PTPRM: variants seen among roughly 807,000 people sequenced by gnomAD.
PTPRM encodes the protein receptor-type tyrosine-protein phosphatase mu.
In PTPRM, 47 loss-of-function variants were observed where a neutral mutation model predicts 186.7. That is an observed-to-expected ratio of 0.25 (90% CI 0.20 to 0.32). The LOEUF (loss-of-function observed/expected upper bound fraction) is 0.32, where lower values mean the gene tolerates loss of function less well. PTPRM is among the 10% of genes least tolerant of loss of function. The pLI is 1.00. For synonymous variants in PTPRM, 668 were observed against 674.9 expected (o/e 0.99, Z 0.16); for missense variants, 1,494 against 1,865.0 (o/e 0.80, Z 3.66).
chr18:8,075,720 A>G (rs1484988122), intron 8 of PTPRM, among the ~76,000 whole-genome samples: 1 of 152,152 alleles, frequency 6.6e-6, no homozygotes, highest in Non-Finnish European at 1.5e-5. Flanking sequence ...GTATTAACAA[A>G]TAAAATAATG....
At chr18:7,649,895 AT>A (rs200918947) in intron 1 of PTPRM, among the ~76,000 whole-genome samples, 15 of 152,000 alleles carry the variant, frequency 9.9e-5, no homozygotes, top group East Asian at 3.9e-4. Flanking sequence ...AACGATTAGC[AT>A]TTTTTTTAGC....
chr18:8,081,342 G>A (rs1162190677), intron 9 of PTPRM, among the ~76,000 whole-genome samples: 1 of 152,136 alleles, frequency 6.6e-6, no homozygotes, highest in South Asian at 2.1e-4. Context: ...GTTTGCTTTT[G>A]ACATGGCACC....
intron 11 of PTPRM, among the ~76,000 whole-genome samples, chr18:8,102,095 T>TA (rs1487855943): frequency 6.6e-6 from 1 of 152,184 alleles, no homozygotes; most frequent in Non-Finnish European, 1.5e-5. Context: ...CATTATGTCT[T>TA]AAAAAATGTA....
At chr18:7,851,735 T>C (rs1210014672) in intron 2 of PTPRM, among the ~76,000 whole-genome samples, 2 of 151,974 alleles carry the variant, frequency 1.3e-5, no homozygotes, top group African/African-American at 2.4e-5. Flanking sequence ...TGATCCTAGG[T>C]AAAGCATGAT....
intron 10 of PTPRM, among the ~76,000 whole-genome samples, chr18:8,088,396 T>C (rs2090540662): frequency 6.6e-6 from 1 of 152,250 alleles, no homozygotes; most frequent in Non-Finnish European, 1.5e-5. Flanking sequence ...AGAATTCATA[T>C]GTACAGAAAA....
intron 11 of PTPRM, among the ~76,000 whole-genome samples, chr18:8,098,989 C>A (rs981021346): frequency 1.3e-5 from 2 of 152,164 alleles, no homozygotes; most frequent in African/African-American, 2.4e-5. Context: ...CTCCCTTCCA[C>A]CTGTAAATAT....
intron 7 of PTPRM, among the ~76,000 whole-genome samples, chr18:8,000,673 C>T (rs2147763279): frequency 6.6e-6 from 1 of 152,220 alleles, no homozygotes; most frequent in East Asian, 1.9e-4. Context: ...TTAAACCTAC[C>T]TTTTTTGTGT....
rs188262740 is a variant in PTPRM, at chr18:8,077,020, T to C, written c.1551+456T>C. ...AGAATAATATCTTTTGGTTTCTTAGTATTACCAAAACATCCTTTCGACTTC... is the reference window on the plus strand; with the variant it reads ...AGAATAATATCTTTTGGTTTCTTAGCATTACCAAAACATCCTTTCGACTTC... On this transcript the variant is annotated intron_variant, in intron 9 of 32. Coordinates refer to ENST00000580170, the MANE Select transcript of PTPRM (RefSeq NM_001105244.2). 6.4e-4 allele frequency among the ~76,000 whole-genome samples: 97 copies of C among 152,298 alleles called. 1 individual carries two copies. In the East Asian group the frequency reaches 0.012, roughly 19 times the overall value.
At chr18:7,834,491 T>TACACACACACACACACACATACACACAC (rs1555613405) in intron 2 of PTPRM, among the ~76,000 whole-genome samples, 992 of 84,540 alleles carry the variant, frequency 0.012, 55 homozygotes, top group African/African-American at 0.044. Flanking sequence ...TATACAAGTA[T>TACACACACACACACACACATACACACAC]ACACACACAC....
chr18:8,214,691 C>CCT (rs1402621997), intron 14 of PTPRM, among the ~76,000 whole-genome samples: 1 of 151,994 alleles, frequency 6.6e-6, no homozygotes, highest in East Asian at 1.9e-4. Context: ...TGAGATGGAG[C>CCT]CTCTCTCTGT....
intron 13 of PTPRM, among the ~76,000 whole-genome samples, chr18:8,115,149 G>A (rs2091906446): frequency 6.6e-6 from 1 of 152,040 alleles, no homozygotes; most frequent in African/African-American, 2.4e-5. Context: ...TTAATCCATA[G>A]TGTCATGCCT....
chr18:8,373,992 G>A (rs1251906957), intron 24 of PTPRM, among the ~76,000 whole-genome samples: 1 of 152,060 alleles, frequency 6.6e-6, no homozygotes, highest in Non-Finnish European at 1.5e-5. Flanking sequence ...GAGGTATTTG[G>A]GCTGTGATAA....
intron 5 of PTPRM, among the ~76,000 whole-genome samples, chr18:7,947,655 G>A (rs920219823): frequency 5.3e-5 from 8 of 152,004 alleles, no homozygotes; most frequent in Admixed American, 3.9e-4. Flanking sequence ...TTCCTGTAGC[G>A]TTTCCTATAA....
At chr18:8,259,251 AC>A (rs2094603915) in intron 19 of PTPRM, among the ~76,000 whole-genome samples, 1 of 152,068 alleles carries the variant, frequency 6.6e-6, no homozygotes, top group African/African-American at 2.4e-5. Context: ...GCTCGGCCCC[AC>A]CTACTTTTCT....
chr18:7,803,626 T>A (rs1403362279), intron 2 of PTPRM, among the ~76,000 whole-genome samples: 1 of 152,146 alleles, frequency 6.6e-6, no homozygotes, highest in Non-Finnish European at 1.5e-5. Context: ...GAAATAAATT[T>A]AGCATGGCTG....
chr18:7,817,065 C>G (rs376932665), intron 2 of PTPRM, among the ~76,000 whole-genome samples: 1 of 150,042 alleles, frequency 6.7e-6, no homozygotes, highest in Non-Finnish European at 1.5e-5. Flanking sequence ...ACCTCTGCCT[C>G]GTGGGTTCAA....
chr18:8,147,306 T>C (rs989094335), intron 14 of PTPRM, among the ~76,000 whole-genome samples: 7 of 152,240 alleles, frequency 4.6e-5, no homozygotes, highest in African/African-American at 1.7e-4. Context: ...CAGTTGTTTG[T>C]GTCCTCTCTT....
chr18:8,344,444 GTGTGTATATATATA>G (rs1318501779), intron 23 of PTPRM, among the ~76,000 whole-genome samples: 25 of 129,522 alleles, frequency 1.9e-4, no homozygotes, highest in Non-Finnish European at 2.8e-4. Context: ...GTGTGTGTGT[GTGTGTATATATATA>G]TATATATATA....
chr18:7,891,645 C>T (rs1334233145), intron 3 of PTPRM, among the ~76,000 whole-genome samples: 1 of 151,906 alleles, frequency 6.6e-6, no homozygotes, highest in Non-Finnish European at 1.5e-5. Context: ...GGCAGGTAGG[C>T]AGGTGGATTG....
Sources: allele counts gnomAD v4.1 joint callset (sites outside exome capture counted in the v4.1 genomes callset), GRCh38; gene constraint gnomAD v4.1.1; transcripts MANE v1.5; gene names NCBI Gene and HGNC (gene_info 2026-07-23, HGNC 2026-07-21).